Variants in SSPN observed in about 807,000 individuals in gnomAD.
SSPN encodes the protein sarcospan, also known as K-ras oncogene-associated protein.
A neutral mutation model predicts 19.1 loss-of-function variants in SSPN; 15 were observed. That is an observed-to-expected ratio of 0.78 (90% CI 0.52 to 1.21). The LOEUF is 1.21. Among genes scored for constraint, SSPN ranks in the 50% most tolerant of loss-of-function variants. The pLI is 0.00. For missense variants in SSPN, 291 were observed against 314.0 expected (o/e 0.93, Z 0.55); for synonymous variants, 147 against 140.3 (o/e 1.05, Z -0.34).
intron 1 of SSPN, among the ~76,000 whole-genome samples, chr12:26,139,900 A>C (rs1216339629): frequency 2.6e-5 from 4 of 152,168 alleles, no homozygotes; most frequent in Non-Finnish European, 5.9e-5. Flanking sequence ...CTTTGCCAGC[A>C]CTAGGTGCTA....
At chr12:26,150,544 C>T (rs968483558) in intron 1 of SSPN, among the ~76,000 whole-genome samples, 8 of 107,946 alleles carry the variant, frequency 7.4e-5, no homozygotes, top group Non-Finnish European at 1.5e-4. Flanking sequence ...TACAAGTATG[C>T]TTTTAAAACA....
In SSPN at chr12:26,201,028, T is replaced by A. The variant is rs1246129051; in HGVS notation, c.279+5077T>A. ...TAATTTGTGTATATATATATATATA[T>A]ATATATATATATATATATTATATAT... On this transcript the variant is annotated intron_variant, in intron 1 of 2. Coordinates refer to ENST00000242729, the MANE Select transcript of SSPN (RefSeq NM_005086.5). Among the ~76,000 whole-genome samples the A allele has an allele frequency of 1.4e-4, 5 of 34,738 alleles. 1 individual carries two copies. The highest frequency in any genetic ancestry group is 3.3e-3 in the South Asian group (2 of 598). The allele number at this position is 34,738 out of a possible 152,430, so 22.8% of individuals were successfully genotyped here. A position where few individuals can be genotyped will look rare whatever the true frequency, so the allele number is the denominator to read the frequency against.
intron 1 of SSPN, among the ~76,000 whole-genome samples, chr12:26,172,140 G>A (rs1488459334): frequency 6.6e-6 from 1 of 152,074 alleles, no homozygotes; most frequent in Non-Finnish European, 1.5e-5. Flanking sequence ...TTGAACTCCT[G>A]GCTTCAAACC....
At chr12:26,122,463 A>G in intron 1 of SSPN, 2 of 1,348,768 alleles carry the variant, frequency 1.5e-6, no homozygotes, top group Non-Finnish European at 9.6e-7. Flanking sequence ...GAGGAAGCAG[A>G]AGGGCAGGCA....
At chr12:26,126,948 T>G (rs992711281) in intron 1 of SSPN, among the ~76,000 whole-genome samples, 8 of 152,170 alleles carry the variant, frequency 5.3e-5, no homozygotes, top group African/African-American at 1.9e-4. Context: ...TTCCAAAAGG[T>G]TAGGTAATTA....
chr12:26,122,100 TC>T, exon 1 of SSPN: 1 of 1,549,532 alleles, frequency 6.5e-7, no homozygotes, highest in Non-Finnish European at 8.7e-7. Flanking sequence ...CGAGGGATCT[TC>T]CTGAGCAGAG....
intron 1 of SSPN, among the ~76,000 whole-genome samples, chr12:26,182,054 A>G (rs536160028): frequency 1.3e-5 from 2 of 152,206 alleles, no homozygotes; most frequent in Non-Finnish European, 2.9e-5. Context: ...GGAACAATTG[A>G]CAGTTGTTTA....
upstream of SSPN, among the ~76,000 whole-genome samples, chr12:26,191,295 T>G (rs968020869): frequency 2.0e-5 from 3 of 152,220 alleles, no homozygotes; most frequent in African/African-American, 7.2e-5. Flanking sequence ...ATTAAATGAT[T>G]GAAATTTATC....
intron 1 of SSPN, chr12:26,134,846 T>G (rs1245120918): frequency 1.3e-5 from 2 of 152,194 alleles, no homozygotes; most frequent in African/African-American, 2.4e-5. Flanking sequence ...GTAGGTACCA[T>G]GAAGGATCAT....
At chr12:26,143,966 C>A (rs556515739) in intron 1 of SSPN, among the ~76,000 whole-genome samples, 19 of 152,320 alleles carry the variant, frequency 1.2e-4, no homozygotes, top group African/African-American at 4.1e-4. Flanking sequence ...TCTCCCATCA[C>A]CCCCACATGG....
At chr12:26,215,521 A>G (rs1945038485) in intron 1 of SSPN, among the ~76,000 whole-genome samples, 1 of 152,234 alleles carries the variant, frequency 6.6e-6, no homozygotes, top group East Asian at 1.9e-4. Flanking sequence ...TCTCTTCACA[A>G]CTTTGCTCAG....
chr12:26,176,618 TCTC>T (rs200824700), intron 1 of SSPN, among the ~76,000 whole-genome samples: 2,038 of 152,316 alleles, frequency 0.013, 22 homozygotes, highest in Non-Finnish European at 0.02. Flanking sequence ...TTTCTTCTCT[TCTC>T]AAGTGCTTGC....
chr12:26,138,216 C>T (rs56008051), intron 1 of SSPN, among the ~76,000 whole-genome samples: 38,732 of 151,946 alleles, frequency 0.25, 5,235 homozygotes, highest in South Asian at 0.37. Context: ...TTATTTATTT[C>T]GTTTCACATA....
At chr12:26,213,269 TA>T (rs11341895) in intron 1 of SSPN, among the ~76,000 whole-genome samples, 37,548 of 151,842 alleles carry the variant, frequency 0.25, 5,117 homozygotes, top group East Asian at 0.51. Context: ...GTAACAGAAA[TA>T]AAAAGAGTCA....
chr12:26,123,877 C>T (rs551848346), intron 1 of SSPN: 1 of 779,932 alleles, frequency 1.3e-6, no homozygotes, highest in East Asian at 2.6e-5. Flanking sequence ...TTGAGCTTTC[C>T]ACAAGACAGG....
chr12:26,168,682 CATA>C (rs1944635739), intron 1 of SSPN, among the ~76,000 whole-genome samples: 1 of 152,180 alleles, frequency 6.6e-6, no homozygotes, highest in South Asian at 2.1e-4. Context: ...AGGGGATGGC[CATA>C]ATGCCACCAC....
chr12:26,209,117 G>A (rs1047672162), intron 1 of SSPN, among the ~76,000 whole-genome samples: 5 of 151,920 alleles, frequency 3.3e-5, no homozygotes, highest in African/African-American at 1.2e-4. Flanking sequence ...AATACTTTTG[G>A]TAATTTCCTG....
chr12:26,230,526 T>C (rs1232963578), intron 2 of SSPN, among the ~76,000 whole-genome samples, 185 bp from the exon 3 acceptor site: 2 of 152,220 alleles, frequency 1.3e-5, no homozygotes, highest in African/African-American at 4.8e-5. Flanking sequence ...GTTTAAGAAC[T>C]ACCCACTAAT....
At chr12:26,177,652 G>A (rs938644822) in intron 1 of SSPN, among the ~76,000 whole-genome samples, 10 of 152,158 alleles carry the variant, frequency 6.6e-5, no homozygotes, top group African/African-American at 2.4e-4. Flanking sequence ...GGTTCTACTC[G>A]TGAATCCTTT....
Sources: allele counts gnomAD v4.1 joint callset (sites outside exome capture counted in the v4.1 genomes callset), GRCh38; gene constraint gnomAD v4.1.1; transcripts MANE v1.5; gene names NCBI Gene and HGNC (gene_info 2026-07-23, HGNC 2026-07-21).